The following PDE6B variants were observed in gnomAD, a reference collection of about 807,000 sequenced individuals.
The protein encoded by PDE6B is rod cGMP-specific 3',5'-cyclic phosphodiesterase subunit beta.
Under a neutral mutation model 109.0 loss-of-function variants are expected in PDE6B, and 106 were observed. That is an observed-to-expected ratio of 0.97 (90% CI 0.83 to 1.14). PDE6B has a LOEUF of 1.14. PDE6B is among the 50% of genes most tolerant of loss of function. The probability of loss-of-function intolerance (pLI) is 0.00; values close to 1 mark genes in which losing one functional copy is unlikely to be tolerated. For missense variants in PDE6B, 1,193 were observed against 1,155.6 expected, an observed-to-expected ratio of 1.03 and a Z score of -0.47; for synonymous variants, 490 against 471.3, an observed-to-expected ratio of 1.04 and a Z score of -0.51.
chr4:631,675 G>T (rs1262846095), intron 1 of PDE6B, among the ~76,000 whole-genome samples: 1 of 152,002 alleles, frequency 6.6e-6, no homozygotes, highest in Non-Finnish European at 1.5e-5. Flanking sequence ...GATCCATGTG[G>T]CTCCATCTGA....
rs769062439 is a variant in PDE6B at position 664,859 on chromosome 4, C to T, written c.2130-22C>T. The T allele has an allele frequency of 7.5e-6, 12 of 1,606,692 alleles. No homozygotes were observed. The East Asian group carries it at 1.8e-4, about 24-fold the overall frequency. The stretch of plus-strand genomic sequence containing the variant: ...CCCTCAGGAGACGCCCATCAGCACT[C>T]GTGCCCGGTTTGTGTCTGCAGGGCC... On this transcript the variant is annotated intron_variant, in intron 17 of 21. Coordinates refer to ENST00000496514, the MANE Select transcript of PDE6B (RefSeq NM_000283.4).
chr4:657,236 C>A, intron 9 of PDE6B, 115 bp from the exon 10 acceptor site: 1 of 1,293,526 alleles, frequency 7.7e-7, no homozygotes, highest in Non-Finnish European at 1.1e-6. Context: ...AGCACTGCGA[C>A]ACCATGGTGG....
chr4:632,923 G>A (rs1340633550), intron 1 of PDE6B, among the ~76,000 whole-genome samples: 1 of 152,170 alleles, frequency 6.6e-6, no homozygotes, highest in Non-Finnish European at 1.5e-5. Context: ...AGGACCCCAG[G>A]TGAGGGTGTC....
chr4:664,245 G>C (rs372135431), intron 17 of PDE6B, 24 bp downstream of exon 17: 8 of 1,298,204 alleles, frequency 6.2e-6, no homozygotes, highest in Non-Finnish European at 9.0e-6. Context: ...GAGGGGGCAC[G>C]AGGGGTCCTT....
At chr4:664,276 A>G (rs906672185) in intron 17 of PDE6B, 55 bp downstream of exon 17, 70 of 972,900 alleles carry the variant, frequency 7.2e-5, no homozygotes, top group Non-Finnish European at 1.1e-4. Flanking sequence ...GACCGGGCCC[A>G]CTCACCAGCT....
chr4:656,754 G>C, intron 8 of PDE6B, 120 bp from the exon 9 acceptor site: 1 of 851,680 alleles, frequency 1.2e-6, no homozygotes, highest in Non-Finnish European at 1.9e-6. Flanking sequence ...GCAGAGACAG[G>C]AACACGAGCC....
At chr4:644,529 T>A (rs1735106226) in intron 3 of PDE6B, among the ~76,000 whole-genome samples, 1 of 151,880 alleles carries the variant, frequency 6.6e-6, no homozygotes, top group Admixed American at 6.6e-5. Context: ...GTTTTTGTTT[T>A]TTTTATTTTT....
At chr4:669,593 C>T (rs1738255904) in intron 21 of PDE6B, among the ~76,000 whole-genome samples, 3 of 77,472 alleles carry the variant, frequency 3.9e-5, no homozygotes, top group African/African-American at 6.8e-5. Flanking sequence ...CCCGCTACCC[C>T]ATGCTATTCC....
At position 662,398 on chromosome 4, in the gene PDE6B, C is replaced by T. The variant is rs537762222; in HGVS notation, c.1723-111C>T. ...CCGTGCACCGCGCACCCCAGCCCTG[C>T]GGTGGTCGGAGGTCCAACCTCCAAC... On this transcript the variant is annotated intron_variant, in intron 13 of 21. Coordinates refer to ENST00000496514, the MANE Select transcript of PDE6B (RefSeq NM_000283.4). The surrounding 1 kb of genome is among the most constrained non-coding windows in gnomAD (Gnocchi z 4.3). 18 of 851,496 alleles carry T rather than the reference C, an allele frequency of 2.1e-5. No homozygotes were observed. The highest frequency in any genetic ancestry group is 1.8e-4 in the South Asian group (13 of 71,910). 52.7% of individuals were successfully genotyped at this position (851,496 alleles called of 1,614,324 possible). A position where few individuals can be genotyped will look rare whatever the true frequency, so the allele number is the denominator to read the frequency against.
In PDE6B at chr4:656,941, A is replaced by C. The variant is rs377468112; in HGVS notation, c.1175A>C (p.Lys392Thr). 1.2e-6 allele frequency: 2 copies of C among 1,613,020 alleles called. No homozygotes were observed. Among genetic ancestry groups the C allele is most frequent in the African/African-American group, 1.3e-5 (1 of 74,922 alleles). Residue 392 changes from lysine to threonine, a missense_variant, in exon 9 of 22, where the codon AAG (lysine) becomes ACG (threonine). By Grantham distance (78) the Lys-to-Thr change is moderately conservative. Coordinates refer to ENST00000496514, the MANE Select transcript of PDE6B (RefSeq NM_000283.4). ...NVLSMPIVNK[K>T]EEIVGVATFY... ...CTGTCCATGCCCATCGTCAACAAGA[A>C]GGAGGAGATTGTGGGAGTCGCCACA... is the stretch of plus-strand genomic sequence containing the variant.
intron 6 of PDE6B, chr4:655,119 G>A: frequency 6.8e-6 from 4 of 584,454 alleles, no homozygotes; most frequent in Non-Finnish European, 1.2e-5. Flanking sequence ...GGGCTGCTGA[G>A]GAGCCCGAGT....
In PDE6B at chr4:625,990, T is replaced by G; in HGVS notation, c.364T>G (p.Cys122Gly). 1 of 1,583,208 alleles carries G rather than the reference T, an allele frequency of 6.3e-7. No homozygotes were observed. Among genetic ancestry groups the G allele is most frequent in the Non-Finnish European group, 8.6e-7 (1 of 1,164,970 alleles). Residue 122 changes from cysteine to glycine, a missense_variant, in exon 1 of 22, where the codon TGC becomes GGC. By Grantham distance (159) the Cys-to-Gly change is radical. Transcript: ENST00000496514. This position sits in a 1 kb window ranked among gnomAD's most constrained non-coding sequence, Gnocchi z 5.0. ...SVQPDSVLED[C>G]LVPPDSEIVF... is the part of the protein sequence containing the mutation. Reference sequence around the variant, plus strand: ...GCAGCCGGACAGCGTCCTGGAGGACTGCCTGGTGCCCCCCGACTCCGAGAT... The same window carrying G: ...GCAGCCGGACAGCGTCCTGGAGGACGGCCTGGTGCCCCCCGACTCCGAGAT...
chr4:626,402 C>T lies in PDE6B; in HGVS notation c.468+308C>T, dbSNP rs1326655447. 6.6e-6 allele frequency among the ~76,000 whole-genome samples: 1 copy of T among 152,242 alleles called. No individual in the cohort carries two copies. Among genetic ancestry groups the T allele is most frequent in the Non-Finnish European group, 1.5e-5 (1 of 68,046 alleles). On this transcript the variant is annotated intron_variant, in intron 1 of 21. Transcript: ENST00000496514. The surrounding 1 kb of genome is among the most constrained non-coding windows in gnomAD (Gnocchi z 4.6). The stretch of plus-strand genomic sequence containing the variant: ...CGGGGTGCCCCTGATTCTGCATCCA[C>T]ATCCCATGGTGGGGACCATGTAGTC...
rs145067855 is a variant in PDE6B, at chr4:625,770, G to C, written c.144G>C (p.Arg48=). The part of the protein sequence containing the change: ...DGCPPDCDSL[R]DLCQVEESTA... The stretch of plus-strand genomic sequence containing the variant: ...GCCCGCCGGACTGCGACAGCCTCCG[G>C]GACCTCTGCCAGGTGGAGGAGAGCA... The change falls in exon 1 of 22, where the codon CGG becomes CGC. Residue 48 remains arginine (R), a synonymous_variant. Transcript: ENST00000496514. This position sits in a 1 kb window ranked among gnomAD's most constrained non-coding sequence, Gnocchi z 5.0. 6.2e-7 allele frequency: 1 copy of C among 1,613,488 alleles called. No homozygotes were observed. The highest frequency in any genetic ancestry group is 8.5e-7 in the Non-Finnish European group (1 of 1,179,956).
Position 659,029 on chromosome 4 carries a change from G to C in PDE6B, c.1467+12G>C. The stretch of plus-strand genomic sequence containing the variant: ...TGGGCGAAATCCTGGTAAGAACCTT[G>C]CTCCCGTCCCTCCCATGGAGGCCGG... On this transcript the variant is annotated intron_variant, in intron 11 of 21. Coordinates refer to ENST00000496514, the MANE Select transcript of PDE6B (RefSeq NM_000283.4). 2.5e-6 allele frequency: 4 copies of C among 1,608,932 alleles called. No homozygotes were observed. Among genetic ancestry groups the C allele is most frequent in the Non-Finnish European group, 3.4e-6 (4 of 1,175,718 alleles).
chr4:626,080 G>A lies in PDE6B; in HGVS notation c.454G>A (p.Glu152Lys), dbSNP rs1302387853. The A allele has an allele frequency of 1.6e-5, 26 of 1,584,584 alleles. No individual in the cohort carries two copies. The highest frequency in any genetic ancestry group is 2.7e-5 in the African/African-American group (2 of 74,372). ...VAQTKKMVNV[E>K]DVAECPHFSS... is the part of the protein sequence containing the mutation. Reference sequence around the variant, plus strand: ...TCAGACCAAAAAGATGGTGAACGTCGAGGACGTGGCCGAGGTGGGTCTGTG... The same window carrying A: ...TCAGACCAAAAAGATGGTGAACGTCAAGGACGTGGCCGAGGTGGGTCTGTG... The change falls in exon 1 of 22, where the codon GAG (glutamate) becomes AAG (lysine). Residue 152 changes from glutamate (E) to lysine (K), a missense_variant. Coordinates refer to ENST00000496514, the MANE Select transcript of PDE6B (RefSeq NM_000283.4). This position sits in a 1 kb window ranked among gnomAD's most constrained non-coding sequence, Gnocchi z 4.6.
intron 1 of PDE6B, among the ~76,000 whole-genome samples, chr4:627,446 G>A (rs1002711712): frequency 6.6e-5 from 10 of 152,112 alleles, no homozygotes; most frequent in East Asian, 3.9e-4. Context: ...GCACCAGGCC[G>A]GAAGTGGCAA....
At chr4:645,289 C>T (rs997489693) in intron 3 of PDE6B, among the ~76,000 whole-genome samples, 1 of 142,514 alleles carries the variant, frequency 7.0e-6, no homozygotes, top group African/African-American at 2.6e-5. Flanking sequence ...AGGCTAGTCA[C>T]ATTTTTTTTT....
chr4:630,950 T>G (rs1270640940), intron 1 of PDE6B, among the ~76,000 whole-genome samples: 1 of 152,130 alleles, frequency 6.6e-6, no homozygotes, highest in African/African-American at 2.4e-5. Context: ...ATAAGGATGG[T>G]AACGGCAGCC....
Sources: allele counts gnomAD v4.1 joint callset (sites outside exome capture counted in the v4.1 genomes callset), GRCh38; gene constraint gnomAD v4.1.1; non-coding constraint Gnocchi (gnomAD v3.1); transcripts MANE v1.5; gene names NCBI Gene and HGNC (gene_info 2026-07-23, HGNC 2026-07-21).